The following GDPD1 variants were observed in gnomAD, a reference collection of about 807,000 sequenced individuals.
The protein encoded by GDPD1 is lysophospholipase D GDPD1.
In GDPD1, 28 loss-of-function variants were observed where a neutral mutation model predicts 45.1. The ratio of observed to expected loss-of-function variants is 0.62; its 90% CI spans 0.46 to 0.85. GDPD1 has a LOEUF of 0.85. Ranked by LOEUF, GDPD1 falls within the 40% of genes least tolerant of loss-of-function variation. The pLI, the probability that GDPD1 is intolerant of heterozygous loss-of-function variation, is 0.00. For synonymous variants in GDPD1, 139 were observed against 131.4 expected (o/e 1.06, Z -0.40); for missense variants, 256 against 364.8 (o/e 0.70, Z 2.43).
At chr17:59,232,180 C>T (rs1568338883) in intron 1 of GDPD1, among the ~76,000 whole-genome samples, 2 of 152,064 alleles carry the variant, frequency 1.3e-5, no homozygotes, top group South Asian at 4.1e-4. Context: ...AAGCTGGGCG[C>T]GGTGGCTCAA....
At chr17:59,244,849 A>G (rs2047198956) in intron 2 of GDPD1, among the ~76,000 whole-genome samples, 1 of 151,660 alleles carries the variant, frequency 6.6e-6, no homozygotes, top group African/African-American at 2.4e-5. Flanking sequence ...TAAAAAAATT[A>G]GCTGGGCACA....
Position 59,220,663 on chromosome 17 carries a change from G to C in GDPD1, c.54G>C (p.Val18=), listed in dbSNP as rs1381936085. The C allele has an allele frequency of 6.2e-7, 1 of 1,614,164 alleles. No individual in the cohort carries two copies. Among genetic ancestry groups the C allele is most frequent in the South Asian group, 1.1e-5 (1 of 91,072 alleles). ...TCTCTACGCTAGGAGGATACTTGGTGACCTCATTCTTGTTGCTTAAATACC... is the reference window on the plus strand; with the variant it reads ...TCTCTACGCTAGGAGGATACTTGGTCACCTCATTCTTGTTGCTTAAATACC... The part of the protein sequence containing the change: ...YLLSTLGGYL[V]TSFLLLKYPT... Residue 18 remains valine, a synonymous_variant, in exon 1 of 10, where the codon GTG becomes GTC. Transcript: ENST00000284116.
At chr17:59,260,270 A>G (rs556036887) in intron 6 of GDPD1, among the ~76,000 whole-genome samples, 4 of 151,436 alleles carry the variant, frequency 2.6e-5, no homozygotes, top group Admixed American at 2.0e-4. Flanking sequence ...GGCCAGGCAC[A>G]GTGGCTCACG....
chr17:59,241,138 CTG>C (rs1456475698), intron 2 of GDPD1, among the ~76,000 whole-genome samples: 2 of 152,200 alleles, frequency 1.3e-5, no homozygotes, highest in African/African-American at 2.4e-5. Context: ...TAAGTGCACT[CTG>C]TGATGTCCGC....
intron 1 of GDPD1, among the ~76,000 whole-genome samples, chr17:59,224,500 C>T (rs2047030442): frequency 6.6e-6 from 1 of 151,944 alleles, no homozygotes; most frequent in Non-Finnish European, 1.5e-5. Context: ...TGGCGGGCGC[C>T]TGTAGTCCCA....
intron 6 of GDPD1, among the ~76,000 whole-genome samples, chr17:59,266,361 C>T (rs1466818629): frequency 1.4e-5 from 2 of 146,350 alleles, no homozygotes; most frequent in South Asian, 4.3e-4. Flanking sequence ...GCACTCCAAC[C>T]TGGGTGACAG....
At chr17:59,231,468 A>T (rs1380778378) in intron 1 of GDPD1, among the ~76,000 whole-genome samples, 3 of 151,390 alleles carry the variant, frequency 2.0e-5, no homozygotes, top group South Asian at 2.1e-4. Flanking sequence ...CTGGGACTAC[A>T]GGCACCCACC....
intron 1 of GDPD1, 147 bp downstream of exon 1, chr17:59,220,898 CTG>C: frequency 2.2e-6 from 2 of 920,116 alleles, no homozygotes; most frequent in Non-Finnish European, 3.2e-6. Flanking sequence ...GAGGTGAAGG[CTG>C]TGTGAAGGGA....
At chr17:59,257,076 T>C in intron 4 of GDPD1, 46 bp from the exon 5 acceptor site, 1 of 993,432 alleles carries the variant, frequency 1.0e-6, no homozygotes, top group Non-Finnish European at 1.5e-6. Flanking sequence ...CATCAAAAAG[T>C]AAAACTTATA....
At chr17:59,235,817 A>G (rs1368321891) in intron 2 of GDPD1, among the ~76,000 whole-genome samples, 7 of 55,114 alleles carry the variant, frequency 1.3e-4, no homozygotes, top group South Asian at 3.9e-4. Context: ...ACTCTATCTC[A>G]AAAAAAAAAA....
chr17:59,269,097 C>G (rs28725416), intron 7 of GDPD1, among the ~76,000 whole-genome samples: 67,338 of 151,642 alleles, frequency 0.44, 16,779 homozygotes, highest in African/African-American at 0.68. Context: ...AGGAGTTCAA[C>G]ACCAGCCTAG....
intron 2 of GDPD1, among the ~76,000 whole-genome samples, chr17:59,235,529 T>G (rs2047124821): frequency 6.6e-6 from 1 of 152,176 alleles, no homozygotes; most frequent in Admixed American, 6.5e-5. Context: ...TGTAAAATTT[T>G]GGCCAGGCAT....
chr17:59,263,406 T>G (rs2047373154), intron 6 of GDPD1, among the ~76,000 whole-genome samples: 1 of 151,914 alleles, frequency 6.6e-6, no homozygotes, highest in Admixed American at 6.6e-5. Context: ...AGTAAAAATG[T>G]CTCAATAAAA....
chr17:59,241,466 C>T (rs963885835), intron 2 of GDPD1, among the ~76,000 whole-genome samples: 4 of 152,098 alleles, frequency 2.6e-5, no homozygotes, highest in Admixed American at 6.5e-5. Context: ...TACAGGCATG[C>T]GACACTATGC....
Position 59,222,505 on chromosome 17 carries a change from C to CTTTTTTTTTTTTTTTTTTTTTTTT in GDPD1, c.142+1757_142+1780dup, listed in dbSNP as rs149536097. The stretch of plus-strand genomic sequence containing the variant: ...ACAGGCGTGAGCCACAGTGCCCAGC[C>CTTTTTTTTTTTTTTTTTTTTTTTT]TTTTTTTTTTTTTTTTTTTTTTTTT... On this transcript the variant is annotated intron_variant, in intron 1 of 9. Transcript: ENST00000284116. 1.4e-4 allele frequency among the ~76,000 whole-genome samples: 6 copies of CTTTTTTTTTTTTTTTTTTTTTTTT among 41,740 alleles called. 1 individual carries two copies. Among genetic ancestry groups the CTTTTTTTTTTTTTTTTTTTTTTTT allele is most frequent in the African/African-American group, 1.8e-4 (2 of 11,124 alleles). The allele number at this position is 41,740 out of a possible 152,430, so 27.4% of individuals were successfully genotyped here.
At position 59,242,890 on chromosome 17, in the gene GDPD1, G is replaced by T. The variant is rs114229328; in HGVS notation, c.186-2524G>T. Among the ~76,000 whole-genome samples, 732 of 152,266 alleles carry T rather than the reference G, an allele frequency of 4.8e-3. 9 individuals carry two copies. Among genetic ancestry groups the T allele is most frequent in the African/African-American group, 0.017 (688 of 41,574 alleles). ...CCCCCTCCTTGCAGTGCACATGTGG[G>T]CATTATTCAGAAAGAATCTGTCCAG... On this transcript the variant is annotated intron_variant, in intron 2 of 9. Coordinates refer to ENST00000284116, the MANE Select transcript of GDPD1 (RefSeq NM_182569.4).
chr17:59,257,216 C>A lies in GDPD1; in HGVS notation c.462C>A (p.Val154=). Residue 154 remains valine (V), a synonymous_variant, in exon 5 of 10, where the codon GTC becomes GTA. Transcript: ENST00000284116. ...CTCCCATTAACATCGATATCAAAGT[C>A]AACAACAATGTGCTGATTAAGAAGG... ...PNTPINIDIK[V]NNNVLIKKVS... 1 of 1,591,906 alleles carries A rather than the reference C, an allele frequency of 6.3e-7. No homozygotes were observed. Among genetic ancestry groups the A allele is most frequent in the South Asian group, 1.1e-5 (1 of 88,016 alleles).
chr17:59,247,121 C>T (rs1837476287), intron 3 of GDPD1, among the ~76,000 whole-genome samples: 1 of 152,096 alleles, frequency 6.6e-6, no homozygotes, highest in South Asian at 2.1e-4. Context: ...TCTGGGTTTA[C>T]AGCAAAATTG....
chr17:59,266,467 A>G lies in GDPD1; in HGVS notation c.577-574A>G, dbSNP rs186057317. On this transcript the variant is annotated intron_variant, in intron 6 of 9. Coordinates refer to ENST00000284116, the MANE Select transcript of GDPD1 (RefSeq NM_182569.4). The stretch of plus-strand genomic sequence containing the variant: ...TAAAATTATATATATATGTATGTCT[A>G]TCTTGTATTTTTAAAGTTTTGGGAT... Among the ~76,000 whole-genome samples the G allele has an allele frequency of 3.8e-3, 572 of 151,720 alleles. 2 individuals carry two copies. Among genetic ancestry groups the G allele is most frequent in the Middle Eastern group, 6.9e-3 (2 of 290 alleles).
Sources: allele counts gnomAD v4.1 joint callset (sites outside exome capture counted in the v4.1 genomes callset), GRCh38; gene constraint gnomAD v4.1.1; transcripts MANE v1.5; gene names NCBI Gene and HGNC (gene_info 2026-07-23, HGNC 2026-07-21).